The following TYW5 variants were observed in gnomAD, a reference collection of about 807,000 sequenced individuals.
The protein encoded by TYW5 is tRNA-yW synthesizing protein 5, also known as tRNA wybutosine-synthesizing protein 5.
TYW5 carries 36 observed loss-of-function variants against 44.4 expected under a neutral mutation model. The observed-to-expected ratio is 0.81, with a 90% CI of 0.62 to 1.07. The LOEUF (loss-of-function observed/expected upper bound fraction) is 1.07, where lower values mean the gene tolerates loss of function less well. Among genes scored for constraint, TYW5 ranks in the 50% least tolerant of loss-of-function variants. The probability of loss-of-function intolerance (pLI) is 0.00; values close to 1 mark genes in which losing one functional copy is unlikely to be tolerated. For missense variants in TYW5, 354 were observed against 365.7 expected, an observed-to-expected ratio of 0.97 and a Z score of 0.26; for synonymous variants, 121 against 128.1, an observed-to-expected ratio of 0.94 and a Z score of 0.37.
chr2:199,952,106 C>G (rs1242113455), intron 1 of TYW5, among the ~76,000 whole-genome samples: 1 of 151,796 alleles, frequency 6.6e-6, no homozygotes, highest in Non-Finnish European at 1.5e-5. Flanking sequence ...CTTAGTATAC[C>G]TCAGTGTAAA....
At chr2:199,946,588 A>T (rs2077505787) in intron 2 of TYW5, 1 of 152,228 alleles carries the variant, frequency 6.6e-6, no homozygotes, top group Non-Finnish European at 1.5e-5. Context: ...ATAAGAAAGA[A>T]GTAAAAGTTC....
chr2:199,937,199 T>C (rs913589719), intron 5 of TYW5, among the ~76,000 whole-genome samples: 30 of 152,164 alleles, frequency 2.0e-4, no homozygotes, highest in African/African-American at 7.0e-4. Context: ...ATATTCATGA[T>C]TTTTTACTTC....
In TYW5 at chr2:199,940,074, A is replaced by G; in HGVS notation, c.348+15T>C. The G allele has an allele frequency of 1.9e-6, 3 of 1,610,346 alleles. No individual in the cohort carries two copies. The highest frequency in any genetic ancestry group is 2.2e-5 in the South Asian group (2 of 90,746). On this transcript the variant is annotated intron_variant, in intron 4 of 7. Transcript: ENST00000354611. The stretch of plus-strand genomic sequence containing the variant: ...TTTAGATTTTAGGGAATTGTTTTAC[A>G]TTTAGAATTCTTACCTTTCTAGGGT...
At chr2:199,934,814 G>A (rs2077406512) in intron 7 of TYW5, among the ~76,000 whole-genome samples, 3 of 151,882 alleles carry the variant, frequency 2.0e-5, no homozygotes, top group Admixed American at 2.0e-4. Flanking sequence ...ATTAATTACA[G>A]ATGTTAATTA....
intron 2 of TYW5, 154 bp downstream of exon 2, chr2:199,948,164 A>C: frequency 2.9e-6 from 2 of 691,450 alleles, no homozygotes; most frequent in Non-Finnish European, 4.7e-6. Context: ...GTCTTTTAAA[A>C]ACCACTCTTT....
chr2:199,938,513 T>C (rs2077439411), intron 5 of TYW5, among the ~76,000 whole-genome samples: 1 of 152,202 alleles, frequency 6.6e-6, no homozygotes. Context: ...TTTTCCTGAA[T>C]AACATAACTT....
intron 3 of TYW5, among the ~76,000 whole-genome samples, chr2:199,941,417 G>T (rs1427826647): frequency 2.0e-5 from 3 of 152,160 alleles, no homozygotes; most frequent in African/African-American, 7.2e-5. Context: ...AGAGAAGTGA[G>T]ATATACCAAG....
intron 3 of TYW5, chr2:199,943,287 T>A (rs184338777): frequency 6.6e-6 from 1 of 152,518 alleles, no homozygotes; most frequent in African/African-American, 2.4e-5. Context: ...TGAACAAATA[T>A]TACAGCAAAT....
intron 4 of TYW5, 89 bp downstream of exon 4, chr2:199,940,000 G>C: frequency 8.3e-7 from 1 of 1,203,574 alleles, no homozygotes; most frequent in Non-Finnish European, 1.2e-6. Flanking sequence ...GAATATGTCA[G>C]GCAGTAAGTA....
At chr2:199,937,784 C>A (rs2077432547) in intron 5 of TYW5, among the ~76,000 whole-genome samples, 3 of 152,156 alleles carry the variant, frequency 2.0e-5, no homozygotes. Flanking sequence ...GCTAAGAGTT[C>A]ATGTCTATTT....
intron 2 of TYW5, 90 bp from the exon 3 acceptor site, chr2:199,943,924 T>C (rs1355681782): frequency 2.3e-6 from 2 of 859,684 alleles, no homozygotes; most frequent in Admixed American, 2.8e-5. Flanking sequence ...TTGCTGGAGT[T>C]GGATATAATC....
At position 199,950,937 on chromosome 2, in the gene TYW5, C is replaced by A. The variant is rs550132266; in HGVS notation, c.79-2465G>T. Among the ~76,000 whole-genome samples the A allele has an allele frequency of 5.9e-5, 9 of 152,286 alleles. No individual in the cohort carries two copies. In the South Asian group the frequency reaches 1.9e-3, roughly 32 times the overall value. On this transcript the variant is annotated intron_variant, in intron 1 of 7. Coordinates refer to ENST00000354611, the MANE Select transcript of TYW5 (RefSeq NM_001039693.3). ...TTGAACTGTTCAGTGGTAGGAGGAGCTCCTTACAATTTTCCATTTGTAAAC... is the reference window on the plus strand; with the variant it reads ...TTGAACTGTTCAGTGGTAGGAGGAGATCCTTACAATTTTCCATTTGTAAAC...
Position 199,948,330 on chromosome 2 carries a change from T to C in TYW5, c.221A>G (p.Asn74Ser), listed in dbSNP as rs774228008. 5 of 1,614,006 alleles carry C rather than the reference T, an allele frequency of 3.1e-6. No individual in the cohort carries two copies. Among genetic ancestry groups the C allele is most frequent in the Non-Finnish European group, 4.2e-6 (5 of 1,180,018 alleles). ...AVAQMDFISK[N>S]FVYRTLPFDQ... ...CAGAAGAAAATACCTATATACAAAGTTCTTACTAATGAAGTCCATCTGTGC... is the reference window on the plus strand; with the variant it reads ...CAGAAGAAAATACCTATATACAAAGCTCTTACTAATGAAGTCCATCTGTGC... The change falls in exon 2 of 8, where the codon AAC (asparagine) becomes AGC (serine). Residue 74 changes from asparagine to serine, a missense_variant. By Grantham distance (46) the Asn-to-Ser change is conservative. Transcript: ENST00000354611.
intron 2 of TYW5, 55 bp from the exon 3 acceptor site, chr2:199,943,889 G>A: frequency 7.4e-7 from 1 of 1,348,288 alleles, no homozygotes; most frequent in Non-Finnish European, 1.0e-6. Flanking sequence ...CAACTAGTAA[G>A]AATCTAATCA....
intron 3 of TYW5, among the ~76,000 whole-genome samples, chr2:199,940,453 G>C (rs1574799463): frequency 6.6e-6 from 1 of 151,978 alleles, no homozygotes; most frequent in East Asian, 1.9e-4. Context: ...AAGAGCTCAA[G>C]ACCAGCCTGG....
chr2:199,955,382 G>A lies in TYW5; in HGVS notation c.78+11C>T, dbSNP rs1373842752. 6.2e-7 allele frequency: 1 copy of A among 1,612,842 alleles called. No homozygotes were observed. The highest frequency in any genetic ancestry group is 1.1e-5 in the South Asian group (1 of 90,686). On this transcript the variant is annotated intron_variant, in intron 1 of 7. Transcript: ENST00000354611. ...GGTTTCTCGAGGTTCTGCCCCGCGCGAGGGCCTCACCTGTGGGTAGAGGTG... is the reference window on the plus strand; with the variant it reads ...GGTTTCTCGAGGTTCTGCCCCGCGCAAGGGCCTCACCTGTGGGTAGAGGTG...
chr2:199,935,998 A>G lies in TYW5; in HGVS notation c.624T>C (p.Tyr208=), dbSNP rs778576477. ...ATCTTCTAGCCTTGGAAAAAAGTGG[A>G]TATTTAGCCAAGTCTGGGTTATCTA... ...LNIDNPDLAK[Y]PLFSKARRYE... Residue 208 remains tyrosine, a synonymous_variant, in exon 7 of 8, where the codon TAT becomes TAC. Coordinates refer to ENST00000354611, the MANE Select transcript of TYW5 (RefSeq NM_001039693.3). 3 of 1,613,288 alleles carry G rather than the reference A, an allele frequency of 1.9e-6. No individual in the cohort carries two copies. Among genetic ancestry groups the G allele is most frequent in the East Asian group, 4.5e-5 (2 of 44,744 alleles).
chr2:199,933,268 A>G lies in TYW5; in HGVS notation c.747T>C (p.Phe249=), dbSNP rs1283588427. 6.2e-7 allele frequency: 1 copy of G among 1,613,872 alleles called. No homozygotes were observed. The highest frequency in any genetic ancestry group is 8.5e-7 in the Non-Finnish European group (1 of 1,179,870). ...AGCATTCAGATGGAAGGTGCTTCCAAAAGATATTCACTCCCACTCCAAACT... is the reference window on the plus strand; with the variant it reads ...AGCATTCAGATGGAAGGTGCTTCCAGAAGATATTCACTCCCACTCCAAACT... The part of the protein sequence containing the change: ...SEEFGVGVNI[F]WKHLPSECYD... The change falls in exon 8 of 8, where the codon TTT becomes TTC. Residue 249 remains phenylalanine (F), a synonymous_variant. Transcript: ENST00000354611.
At position 199,948,484 on chromosome 2, in the gene TYW5, G is replaced by A; in HGVS notation, c.79-12C>T. The A allele has an allele frequency of 6.2e-7, 1 of 1,613,382 alleles. No homozygotes were observed. The highest frequency in any genetic ancestry group is 8.5e-7 in the Non-Finnish European group (1 of 1,179,784). ...ACAAGAGGTTTTCTCTGTAAGTGGG[G>A]AAAGAAATACAACAAAATTCATGAA... On this transcript the variant is annotated splice_polypyrimidine_tract_variant and intron_variant, in intron 1 of 7. Transcript: ENST00000354611.
Sources: gnomAD v4.1 joint callset for allele counts (sites outside exome capture counted in the v4.1 genomes callset) on GRCh38, gnomAD v4.1.1 for gene constraint, MANE v1.5 for transcripts, NCBI Gene and HGNC (gene_info 2026-07-23, HGNC 2026-07-21) for gene names.